The following PACS1 variants were observed in gnomAD, a reference collection of about 807,000 sequenced individuals.
PACS1 encodes the protein phosphofurin acidic cluster sorting protein 1.
A neutral mutation model predicts 115.0 loss-of-function variants in PACS1; 24 were observed. The ratio of observed to expected loss-of-function variants is 0.21; its 90% CI spans 0.15 to 0.29. The LOEUF is 0.29. PACS1 is among the 10% of genes least tolerant of loss of function. PACS1 has a pLI of 1.00. For synonymous variants in PACS1, 453 were observed against 504.5 expected, an observed-to-expected ratio of 0.90 and a Z score of 1.37; for missense variants, 838 against 1,251.2, an observed-to-expected ratio of 0.67 and a Z score of 4.98.
Position 66,228,351 on chromosome 11 carries a change from ATTATTTTAGCC to A in PACS1, c.1374+772_1374+782del, listed in dbSNP as rs1022402923. 3.9e-4 allele frequency among the ~76,000 whole-genome samples: 60 copies of A among 152,214 alleles called. 1 individual carries two copies. Among genetic ancestry groups the A allele is most frequent in the African/African-American group, 1.4e-3 (58 of 41,538 alleles). On this transcript the variant is annotated intron_variant, in intron 11 of 23. Transcript: ENST00000320580. ...GGAGTTGACTAGAATCTGTGAAAGAATTATTTTAGCCTTATGTTTTCTATAGTAAATAAGAC... is the reference window on the plus strand; with the variant it reads ...GGAGTTGACTAGAATCTGTGAAAGAATTATGTTTTCTATAGTAAATAAGAC...
At chr11:66,207,442 A>G (rs1229247676) in intron 2 of PACS1, among the ~76,000 whole-genome samples, 1 of 152,232 alleles carries the variant, frequency 6.6e-6, no homozygotes, top group Non-Finnish European at 1.5e-5. Context: ...ACTCCAGCCT[A>G]GTCGACAGAG....
chr11:66,179,369 A>C (rs2134651763), intron 1 of PACS1, among the ~76,000 whole-genome samples: 1 of 152,290 alleles, frequency 6.6e-6, no homozygotes, highest in South Asian at 2.1e-4. Flanking sequence ...AGTAATTTAA[A>C]CATTAAGGAA....
At chr11:66,149,295 T>G (rs1859187159) in intron 1 of PACS1, among the ~76,000 whole-genome samples, 1 of 152,002 alleles carries the variant, frequency 6.6e-6, no homozygotes, top group Non-Finnish European at 1.5e-5. Context: ...TTTCACCACG[T>G]TGGTCAGGCT....
chr11:66,121,648 T>A (rs1310072901), intron 1 of PACS1, among the ~76,000 whole-genome samples: 1 of 152,166 alleles, frequency 6.6e-6, no homozygotes. Flanking sequence ...AAAACAACCT[T>A]ATTGCTGATG....
At chr11:66,102,892 A>T (rs1190423536) in intron 1 of PACS1, among the ~76,000 whole-genome samples, 1 of 151,562 alleles carries the variant, frequency 6.6e-6, no homozygotes, top group Non-Finnish European at 1.5e-5. Flanking sequence ...GTACAGTGGC[A>T]CGATCTCAGC....
chr11:66,174,601 G>A (rs1434734711), intron 1 of PACS1, among the ~76,000 whole-genome samples: 1 of 152,194 alleles, frequency 6.6e-6, no homozygotes. Flanking sequence ...TGCTACAAAT[G>A]GGTCAGTTTC....
intron 1 of PACS1, among the ~76,000 whole-genome samples, chr11:66,098,814 C>A (rs1458299573): frequency 6.6e-6 from 1 of 152,102 alleles, no homozygotes; most frequent in Non-Finnish European, 1.5e-5. Flanking sequence ...CAAGGCGGAT[C>A]TTATAGTATT....
At chr11:66,197,595 A>G (rs1854678345) in intron 2 of PACS1, among the ~76,000 whole-genome samples, 1 of 152,056 alleles carries the variant, frequency 6.6e-6, no homozygotes, top group Admixed American at 6.6e-5. Context: ...AGAGTTCAAG[A>G]CCATCCTGGG....
intron 2 of PACS1, among the ~76,000 whole-genome samples, chr11:66,202,742 A>AAAAAAAATATATATATAT (rs1200930188): frequency 1.4e-5 from 1 of 71,606 alleles, no homozygotes; most frequent in Non-Finnish European, 2.3e-5. Flanking sequence ...AAAAAAAAAA[A>AAAAAAAATATATATATAT]ATATATATAT....
chr11:66,121,422 G>A (rs945783002), intron 1 of PACS1, among the ~76,000 whole-genome samples: 22 of 152,130 alleles, frequency 1.4e-4, no homozygotes, highest in Admixed American at 1.4e-3. Context: ...GAAGAGTTAC[G>A]TGTCTCTCAC....
chr11:66,211,388 C>T (rs781451606), intron 4 of PACS1, 129 bp downstream of exon 4: 15 of 862,842 alleles, frequency 1.7e-5, no homozygotes, highest in Non-Finnish European at 2.2e-5. Context: ...TTCTGTTTTA[C>T]GAGTTAATTA....
intron 2 of PACS1, among the ~76,000 whole-genome samples, chr11:66,207,857 C>T (rs1438632869): frequency 6.6e-6 from 1 of 152,112 alleles, no homozygotes; most frequent in Non-Finnish European, 1.5e-5. Context: ...CCAACATCTG[C>T]CTCCTAGGCT....
At chr11:66,143,414 G>T (rs1859045646) in intron 1 of PACS1, among the ~76,000 whole-genome samples, 1 of 152,144 alleles carries the variant, frequency 6.6e-6, no homozygotes, top group South Asian at 2.1e-4. Context: ...CAGAGCAAAG[G>T]CTCATTTGTC....
intron 1 of PACS1, among the ~76,000 whole-genome samples, chr11:66,124,358 C>T (rs1858523024): frequency 6.6e-6 from 1 of 152,224 alleles, no homozygotes; most frequent in Admixed American, 6.5e-5. Context: ...AGCTTCTTCT[C>T]TGCTTCAGTG....
Position 66,233,105 on chromosome 11 carries a change from T to G in PACS1, c.1838+39T>G. 1 of 1,439,434 alleles carries G rather than the reference T, an allele frequency of 6.9e-7. No individual in the cohort carries two copies. Among genetic ancestry groups the G allele is most frequent in the Non-Finnish European group, 9.7e-7 (1 of 1,031,944 alleles). The allele number at this position is 1,439,434 out of a possible 1,614,324, so 89.2% of individuals were successfully genotyped here. Reference sequence around the variant, plus strand: ...CCTCCCTTCTCCTGCCCTTAGAGATTCCCTCTGACCTCATCTTCCAACCCT... The same window carrying G: ...CCTCCCTTCTCCTGCCCTTAGAGATGCCCTCTGACCTCATCTTCCAACCCT... On this transcript the variant is annotated intron_variant, in intron 15 of 23. Coordinates refer to ENST00000320580, the MANE Select transcript of PACS1 (RefSeq NM_018026.4). The surrounding 1 kb of genome is among the most constrained non-coding windows in gnomAD (Gnocchi z 4.5).
At chr11:66,171,662 C>G (rs1859740882) in intron 1 of PACS1, among the ~76,000 whole-genome samples, 1 of 150,000 alleles carries the variant, frequency 6.7e-6, no homozygotes. Flanking sequence ...TCACTGCAAG[C>G]TCCGCCTCCC....
At chr11:66,120,672 A>G (rs1378697706) in intron 1 of PACS1, among the ~76,000 whole-genome samples, 1 of 152,120 alleles carries the variant, frequency 6.6e-6, no homozygotes, top group Non-Finnish European at 1.5e-5. Context: ...GCTGTGTATG[A>G]TCTTGGCCTT....
chr11:66,211,717 T>C (rs1360682066), intron 4 of PACS1, among the ~76,000 whole-genome samples: 2 of 152,214 alleles, frequency 1.3e-5, no homozygotes, highest in Non-Finnish European at 2.9e-5. Flanking sequence ...AATACTCTGC[T>C]GTCTAAACTC....
At chr11:66,232,077 C>A in intron 13 of PACS1, 95 bp from the exon 14 acceptor site, 1 of 749,802 alleles carries the variant, frequency 1.3e-6, no homozygotes, top group African/African-American at 1.7e-5. Flanking sequence ...TCTAACACCC[C>A]TGCTCCAGAG....
Sources: gnomAD v4.1 joint callset for allele counts (sites outside exome capture counted in the v4.1 genomes callset) on GRCh38, gnomAD v4.1.1 for gene constraint, Gnocchi (gnomAD v3.1) non-coding constraint, MANE v1.5 for transcripts, NCBI Gene and HGNC (gene_info 2026-07-23, HGNC 2026-07-21) for gene names.